The following ST8SIA1 variants were observed in gnomAD, a reference collection of about 807,000 sequenced individuals.
The protein encoded by ST8SIA1 is alpha-N-acetylneuraminide alpha-2,8-sialyltransferase.
ST8SIA1 carries 16 observed loss-of-function variants against 35.9 expected under a neutral mutation model. The observed-to-expected ratio is 0.45, with a 90% CI of 0.30 to 0.68. The LOEUF (loss-of-function observed/expected upper bound fraction) is 0.68. Ranked by LOEUF, ST8SIA1 falls within the 30% of genes least tolerant of loss-of-function variation. The pLI, the probability that ST8SIA1 is intolerant of heterozygous loss-of-function variation, is 0.09. For synonymous variants in ST8SIA1, 170 were observed against 169.6 expected (o/e 1.00, Z -0.02); for missense variants, 383 against 453.6 (o/e 0.84, Z 1.41).
At chr12:22,312,786 C>T (rs1326119798) in intron 1 of ST8SIA1, among the ~76,000 whole-genome samples, 3 of 151,624 alleles carry the variant, frequency 2.0e-5, no homozygotes, top group Non-Finnish European at 4.4e-5. Context: ...AAAGTGGTCC[C>T]GATGGACACA....
At chr12:22,273,072 A>G (rs1865930357) in intron 2 of ST8SIA1, among the ~76,000 whole-genome samples, 1 of 152,154 alleles carries the variant, frequency 6.6e-6, no homozygotes, top group Non-Finnish European at 1.5e-5. Context: ...TGGGACAGTT[A>G]TTCTGAGGTT....
chr12:22,249,546 T>C (rs1363758786), intron 3 of ST8SIA1, among the ~76,000 whole-genome samples: 2 of 152,094 alleles, frequency 1.3e-5, no homozygotes, highest in African/African-American at 4.8e-5. Flanking sequence ...TTTGTTTTGT[T>C]TTGTTTTGTT....
chr12:22,297,536 TA>T lies in ST8SIA1; in HGVS notation c.237-10244del, dbSNP rs756196190. ...CATTTTCACAGAATGGAATTCCGTGTAAACACAAGTCAAAGATTCCCAACTT... is the reference window on the plus strand; with the variant it reads ...CATTTTCACAGAATGGAATTCCGTGTAACACAAGTCAAAGATTCCCAACTT... On this transcript the variant is annotated intron_variant, in intron 1 of 4. Coordinates refer to ENST00000396037, the MANE Select transcript of ST8SIA1 (RefSeq NM_003034.4). Among the ~76,000 whole-genome samples the T allele has an allele frequency of 2.7e-4, 41 of 152,208 alleles. 1 individual carries two copies. The highest frequency in any genetic ancestry group is 3.4e-3 in the Middle Eastern group (1 of 294).
intron 1 of ST8SIA1, among the ~76,000 whole-genome samples, chr12:22,318,515 A>G (rs1235644081): frequency 6.6e-6 from 1 of 152,204 alleles, no homozygotes; most frequent in Non-Finnish European, 1.5e-5. Context: ...GATGAATCAG[A>G]GATGTTAGGC....
At chr12:22,245,621 G>A (rs1327232139) in intron 4 of ST8SIA1, among the ~76,000 whole-genome samples, 3 of 152,164 alleles carry the variant, frequency 2.0e-5, no homozygotes, top group Non-Finnish European at 2.9e-5. Flanking sequence ...CTTCGACTTC[G>A]TAACTCCTAA....
chr12:22,333,881 C>A, intron 1 of ST8SIA1, 116 bp downstream of exon 1: 1 of 921,430 alleles, frequency 1.1e-6, no homozygotes, highest in South Asian at 1.3e-5. Flanking sequence ...CATGGAAGAG[C>A]GGATGAAAGG....
intron 1 of ST8SIA1, among the ~76,000 whole-genome samples, chr12:22,303,846 C>CA (rs1866348630): frequency 1.4e-5 from 2 of 140,706 alleles, no homozygotes; most frequent in East Asian, 2.1e-4. Context: ...CACCACCCTG[C>CA]CACACACACA....
chr12:22,290,106 A>G (rs903260124), intron 1 of ST8SIA1, among the ~76,000 whole-genome samples: 1 of 152,210 alleles, frequency 6.6e-6, no homozygotes, highest in East Asian at 1.9e-4. Context: ...GTGTAGAAAT[A>G]TTTTTAAATC....
At position 22,309,228 on chromosome 12, in the gene ST8SIA1, C is replaced by T. The variant is rs117448721; in HGVS notation, c.237-21935G>A. Among the ~76,000 whole-genome samples the T allele has an allele frequency of 1.7e-3, 265 of 152,260 alleles. 1 individual carries two copies. The highest frequency in any genetic ancestry group is 3.4e-3 in the Middle Eastern group (1 of 294). Reference sequence around the variant, plus strand: ...ACACACCTTGCTAGACCTCCTCCCTCGCTAACTACCATTAGCTTTTCTTCC... The same window carrying T: ...ACACACCTTGCTAGACCTCCTCCCTTGCTAACTACCATTAGCTTTTCTTCC... On this transcript the variant is annotated intron_variant, in intron 1 of 4. Transcript: ENST00000396037.
intron 4 of ST8SIA1, among the ~76,000 whole-genome samples, chr12:22,215,002 G>C (rs1865219889): frequency 6.6e-6 from 1 of 152,090 alleles, no homozygotes; most frequent in Non-Finnish European, 1.5e-5. Flanking sequence ...TTTTCCCTGA[G>C]TAGAAGACAT....
At chr12:22,323,900 T>C (rs1185917805) in intron 1 of ST8SIA1, among the ~76,000 whole-genome samples, 3 of 152,158 alleles carry the variant, frequency 2.0e-5, no homozygotes, top group Admixed American at 2.0e-4. Flanking sequence ...TAACGAATGC[T>C]GGGCTTAATA....
intron 1 of ST8SIA1, among the ~76,000 whole-genome samples, chr12:22,296,892 C>G (rs1170429695): frequency 6.6e-6 from 1 of 152,204 alleles, no homozygotes; most frequent in Non-Finnish European, 1.5e-5. Flanking sequence ...AACACCTATA[C>G]TCCACTGGGC....
At chr12:22,254,201 C>T (rs890039618) in intron 3 of ST8SIA1, among the ~76,000 whole-genome samples, 5 of 152,178 alleles carry the variant, frequency 3.3e-5, no homozygotes, top group Admixed American at 3.3e-4. Flanking sequence ...ATCCTCAAGG[C>T]TCCTTTATTT....
chr12:22,334,312 G>C lies in ST8SIA1; in HGVS notation c.-80C>G, dbSNP rs1302438458. 8.9e-7 allele frequency: 1 copy of C among 1,124,268 alleles called. No homozygotes were observed. Among genetic ancestry groups the C allele is most frequent in the African/African-American group, 1.6e-5 (1 of 64,226 alleles). 69.6% of individuals were successfully genotyped at this position (1,124,268 alleles called of 1,614,324 possible). Reference sequence around the variant, plus strand: ...AAGTGGCAGCGGAGGGTCCCCCACCGCCAGCCCCCCATGCACACACACCTT... The same window carrying C: ...AAGTGGCAGCGGAGGGTCCCCCACCCCCAGCCCCCCATGCACACACACCTT... On this transcript the variant is annotated 5_prime_UTR_variant, in exon 1 of 5. Coordinates refer to ENST00000396037, the MANE Select transcript of ST8SIA1 (RefSeq NM_003034.4).
At chr12:22,301,812 C>T (rs1028818683) in intron 1 of ST8SIA1, among the ~76,000 whole-genome samples, 1 of 152,070 alleles carries the variant, frequency 6.6e-6, no homozygotes, top group African/African-American at 2.4e-5. Context: ...GGCTCAGGAG[C>T]CCCAGCCTTT....
intron 4 of ST8SIA1, among the ~76,000 whole-genome samples, chr12:22,234,095 A>G (rs1865448854): frequency 6.6e-6 from 1 of 151,998 alleles, no homozygotes; most frequent in Non-Finnish European, 1.5e-5. Flanking sequence ...CCCTGTCTCT[A>G]CTAAAAATGC....
At chr12:22,226,613 TC>T (rs1865361436) in intron 4 of ST8SIA1, among the ~76,000 whole-genome samples, 2 of 152,114 alleles carry the variant, frequency 1.3e-5, no homozygotes, top group Admixed American at 6.5e-5. Context: ...CTTTCCTTCA[TC>T]TTTTTTTTCT....
chr12:22,272,637 A>G (rs1865924746), intron 2 of ST8SIA1, among the ~76,000 whole-genome samples: 1 of 152,246 alleles, frequency 6.6e-6, no homozygotes, highest in Non-Finnish European at 1.5e-5. Flanking sequence ...TGGTATTATA[A>G]TAGCTGTGGT....
intron 2 of ST8SIA1, among the ~76,000 whole-genome samples, chr12:22,261,226 C>G (rs553670874): frequency 2.0e-5 from 3 of 152,170 alleles, no homozygotes; most frequent in Non-Finnish European, 4.4e-5. Context: ...CTCACTGCAA[C>G]CTGAGCCTCC....
Sources: allele counts gnomAD v4.1 joint callset (sites outside exome capture counted in the v4.1 genomes callset), GRCh38; gene constraint gnomAD v4.1.1; transcripts MANE v1.5; gene names NCBI Gene and HGNC (gene_info 2026-07-23, HGNC 2026-07-21).